Variants in BRWD1 observed in about 807,000 individuals in gnomAD.
BRWD1 encodes the protein bromodomain and WD repeat-containing protein 1.
A neutral mutation model predicts 251.2 loss-of-function variants in BRWD1; 82 were observed. The observed-to-expected ratio is 0.33, with a 90% CI of 0.27 to 0.39. BRWD1 has a LOEUF of 0.39. Ranked by LOEUF, BRWD1 falls within the 10% of genes least tolerant of loss-of-function variation. The probability of loss-of-function intolerance (pLI) is 1.00; values close to 1 mark genes in which losing one functional copy is unlikely to be tolerated. For missense variants in BRWD1, 2,233 were observed against 2,711.6 expected (o/e 0.82, Z 3.92); for synonymous variants, 918 against 902.8 (o/e 1.02, Z -0.30).
chr21:39,315,499 C>T (rs1290610108), upstream of BRWD1, among the ~76,000 whole-genome samples: 1 of 151,866 alleles, frequency 6.6e-6, no homozygotes, highest in Non-Finnish European at 1.5e-5. Flanking sequence ...CCAGGTGTGG[C>T]AGTGCGCGCC....
chr21:39,209,282 C>A (rs1431583758), intron 36 of BRWD1, among the ~76,000 whole-genome samples: 5 of 151,920 alleles, frequency 3.3e-5, no homozygotes, highest in Non-Finnish European at 5.9e-5. Flanking sequence ...ATGCCCTGAA[C>A]CTTTTCTTTA....
Position 39,255,696 on chromosome 21 carries a change from T to A in BRWD1, c.2204A>T (p.Gln735Leu). The A allele has an allele frequency of 6.2e-7, 1 of 1,614,198 alleles. No individual in the cohort carries two copies. The highest frequency in any genetic ancestry group is 8.5e-7 in the Non-Finnish European group (1 of 1,180,028). ...RSQIATERDL[Q>L]AWKRRVVVPE... ...TACAACCACTCTTCGTTTCCAAGCC[T>A]GCAGGTCACGTTCTGTAGCAATCTG... Residue 735 changes from glutamine (Q) to leucine (L), a missense_variant, in exon 19 of 41, where the codon CAG (glutamine) becomes CTG (leucine). By Grantham distance (113) the Gln-to-Leu change is moderately radical. Around this residue, in one of 12 missense-constraint regions of BRWD1, gnomAD observed 35 missense variants for 76.3 expected, o/e 0.46. Transcript: ENST00000342449.
intron 8 of BRWD1, among the ~76,000 whole-genome samples, chr21:39,280,688 T>C (rs1392484182): frequency 6.6e-6 from 1 of 152,176 alleles, no homozygotes; most frequent in Non-Finnish European, 1.5e-5. Context: ...AAGACTTAAG[T>C]ACAATTAAGG....
rs1444452694 is a variant in BRWD1 at position 39,210,100 on chromosome 21, C to T, written c.4092G>A (p.Arg1364=). The change falls in exon 36 of 41, where the codon AGG becomes AGA. Residue 1364 remains arginine, a synonymous_variant. Coordinates refer to ENST00000342449, the MANE Select transcript of BRWD1 (RefSeq NM_033656.4). ...CATAATTTCCCGCATCTAGAGTTTC[C>T]CTTACTGTTCCAAAATCCATTGGGG... ...IDTPMDFGTV[R]ETLDAGNYDS... 2 of 1,612,676 alleles carry T rather than the reference C, an allele frequency of 1.2e-6. No homozygotes were observed. Among genetic ancestry groups the T allele is most frequent in the African/African-American group, 2.7e-5 (2 of 74,842 alleles).
At chr21:39,270,119 T>C in intron 14 of BRWD1, 86 bp from the exon 15 acceptor site, 1 of 1,276,518 alleles carries the variant, frequency 7.8e-7, no homozygotes, top group East Asian at 2.7e-5. Flanking sequence ...CAGCATATAC[T>C]TTTAGAAATG....
At chr21:39,222,512 T>C (rs181440017) in intron 29 of BRWD1, among the ~76,000 whole-genome samples, 10 of 152,166 alleles carry the variant, frequency 6.6e-5, no homozygotes, top group African/African-American at 2.2e-4. Flanking sequence ...CAAAAGAAAA[T>C]GTCAAATGGA....
chr21:39,248,387 A>C (rs1240111364), intron 20 of BRWD1, among the ~76,000 whole-genome samples: 1 of 151,980 alleles, frequency 6.6e-6, no homozygotes, highest in East Asian at 1.9e-4. Flanking sequence ...CAAGGCAGGC[A>C]GATCACTTGA....
At chr21:39,206,729 C>G (rs560269103) in intron 36 of BRWD1, among the ~76,000 whole-genome samples, 1 of 152,274 alleles carries the variant, frequency 6.6e-6, no homozygotes, top group Non-Finnish European at 1.5e-5. Flanking sequence ...TCAATGCCAC[C>G]TAATTCTAAA....
rs2297255 is a variant in BRWD1 at position 39,186,052 on chromosome 21, G to A, written c.*10207C>T. 6.6e-6 allele frequency: 1 copy of A among 152,064 alleles called. No homozygotes were observed. Among genetic ancestry groups the A allele is most frequent in the Non-Finnish European group, 1.5e-5 (1 of 67,980 alleles). 9.4% of individuals were successfully genotyped at this position (152,064 alleles called of 1,614,324 possible). On this transcript the variant is annotated 3_prime_UTR_variant, in exon 41 of 41. Coordinates refer to ENST00000342449, the MANE Select transcript of BRWD1 (RefSeq NM_033656.4). ...ACATGCTACCATTAAAGTTTGTTGG[G>A]ATGAGATTGTAGTAAGTTTACTCAA...
intron 1 of BRWD1, among the ~76,000 whole-genome samples, chr21:39,319,209 C>T (rs974361649): frequency 4.6e-5 from 7 of 152,212 alleles, no homozygotes; most frequent in Non-Finnish European, 7.3e-5. Flanking sequence ...AGGACCTTTT[C>T]TTCCTTTTAA....
chr21:39,241,734 G>A lies in BRWD1; in HGVS notation c.2482-3161C>T, dbSNP rs528761255. 4.6e-5 allele frequency among the ~76,000 whole-genome samples: 7 copies of A among 152,110 alleles called. No homozygotes were observed. In the South Asian group the frequency reaches 1.5e-3, roughly 32 times the overall value. On this transcript the variant is annotated intron_variant, in intron 21 of 40. Coordinates refer to ENST00000342449, the MANE Select transcript of BRWD1 (RefSeq NM_033656.4). The stretch of plus-strand genomic sequence containing the variant: ...TTCACAGTTGTGTTTTTTACAAATT[G>A]AAGTTTTGTGACAACCCTGAACCCA...
At position 39,313,312 on chromosome 21, in the gene BRWD1, A is replaced by G. The variant is rs767947894; in HGVS notation, c.50-13T>C. 20 of 1,518,806 alleles carry G rather than the reference A, an allele frequency of 1.3e-5. No individual in the cohort carries two copies. The highest frequency in any genetic ancestry group is 1.8e-5 in the Admixed American group (1 of 54,818). 94.1% of individuals were successfully genotyped at this position (1,518,806 alleles called of 1,614,324 possible). ...AGGAAGTACAGCTCTGCGGGAAGAC[A>G]AGGAGTCAGGTCAAGCCCCGGCGGG... is the stretch of plus-strand genomic sequence containing the variant. On this transcript the variant is annotated splice_polypyrimidine_tract_variant and intron_variant, in intron 1 of 40. Coordinates refer to ENST00000342449, the MANE Select transcript of BRWD1 (RefSeq NM_033656.4).
At chr21:39,253,836 G>C (rs1037590403) in intron 19 of BRWD1, among the ~76,000 whole-genome samples, 2 of 152,164 alleles carry the variant, frequency 1.3e-5, no homozygotes, top group Admixed American at 1.3e-4. Context: ...ATTCTAAAAA[G>C]TATTTCCTGT....
chr21:39,268,831 CA>C (rs1016367123), intron 15 of BRWD1, among the ~76,000 whole-genome samples: 1 of 151,852 alleles, frequency 6.6e-6, no homozygotes, highest in Admixed American at 6.6e-5. Context: ...CTAAAAAATA[CA>C]AAAAAATTAG....
intron 23 of BRWD1, among the ~76,000 whole-genome samples, chr21:39,233,921 G>A (rs11909939): frequency 0.015 from 2,318 of 152,338 alleles, 57 homozygotes; most frequent in African/African-American, 0.053. Context: ...TTGGGAGGCT[G>A]AGGCAGAAGA....
At position 39,298,170 on chromosome 21, in the gene BRWD1, A is replaced by G. The variant is rs761171196; in HGVS notation, c.349+262T>C. On this transcript the variant is annotated intron_variant, in intron 5 of 40. Coordinates refer to ENST00000342449, the MANE Select transcript of BRWD1 (RefSeq NM_033656.4). ...GAAAATTAAGAACTCACATTGATAA[A>G]ACCTCAAACAACATCTCAGAATAAA... 1,161 of 1,107,848 alleles carry G rather than the reference A, an allele frequency of 1.0e-3. 3 individuals are homozygous for G. The highest frequency in any genetic ancestry group is 1.2e-3 in the Non-Finnish European group (1,089 of 910,388). The allele number at this position is 1,107,848 out of a possible 1,614,324, so 68.6% of individuals were successfully genotyped here.
chr21:39,241,473 T>C lies in BRWD1; in HGVS notation c.2482-2900A>G, dbSNP rs968508206. Among the ~76,000 whole-genome samples, 6 of 44,920 alleles carry C rather than the reference T, an allele frequency of 1.3e-4. No homozygotes were observed. In the East Asian group the frequency reaches 8.1e-3, roughly 61 times the overall value. 29.5% of individuals were successfully genotyped at this position (44,920 alleles called of 152,430 possible). On this transcript the variant is annotated intron_variant, in intron 21 of 40. Transcript: ENST00000342449. ...ACAGAGCAAGATTCCATCTCCAAAG[T>C]AAAAAAAAAAAAAAAAAAAAAAAAA...
At chr21:39,208,085 T>G (rs943725966) in intron 36 of BRWD1, among the ~76,000 whole-genome samples, 2 of 152,182 alleles carry the variant, frequency 1.3e-5, no homozygotes, top group East Asian at 3.9e-4. Context: ...TGCCACTGAA[T>G]TGTACTCATA....
At position 39,206,119 on chromosome 21, in the gene BRWD1, G is replaced by T; in HGVS notation, c.4353C>A (p.Asn1451Lys). Residue 1451 changes from asparagine to lysine, a missense_variant, in exon 37 of 41, where the codon AAC becomes AAA. By Grantham distance (94) the Asn-to-Lys change is moderately conservative. Around this residue, in one of 12 missense-constraint regions of BRWD1, gnomAD observed 928 missense variants for 970.0 expected, o/e 0.96. Transcript: ENST00000342449. ...CATAACCAGTTTACCTGATACTTTT[G>T]TTAGGCTGACTGTCACCTTTACAAT... ...RQNCKGDSQP[N>K]KSIRNLKPKR... 1.0e-5 allele frequency: 16 copies of T among 1,607,036 alleles called. No homozygotes were observed. The highest frequency in any genetic ancestry group is 1.4e-5 in the Non-Finnish European group (16 of 1,177,964).
Sources: gnomAD v4.1 joint callset for allele counts (sites outside exome capture counted in the v4.1 genomes callset) on GRCh38, gnomAD v4.1.1 for gene constraint, gnomAD v4.1.1 regional missense constraint, MANE v1.5 for transcripts, NCBI Gene and HGNC (gene_info 2026-07-23, HGNC 2026-07-21) for gene names.